Variants in KCNIP4 observed in about 807,000 individuals in gnomAD.
KCNIP4 encodes potassium voltage-gated channel interacting protein 4.
KCNIP4 carries 12 observed loss-of-function variants against 34.0 expected under a neutral mutation model. That is an observed-to-expected ratio of 0.35 (90% CI 0.23 to 0.57). The LOEUF (loss-of-function observed/expected upper bound fraction) is 0.57. Among genes scored for constraint, KCNIP4 ranks in the 20% least tolerant of loss-of-function variants. The pLI, the probability that KCNIP4 is intolerant of heterozygous loss-of-function variation, is 0.83. For synonymous variants in KCNIP4, 124 were observed against 102.2 expected, an observed-to-expected ratio of 1.21 and a Z score of -1.29; for missense variants, 238 against 311.7, an observed-to-expected ratio of 0.76 and a Z score of 1.78.
At chr4:21,232,706 C>T (rs1349964488) in intron 1 of KCNIP4, among the ~76,000 whole-genome samples, 1 of 151,934 alleles carries the variant, frequency 6.6e-6, no homozygotes, top group African/African-American at 2.4e-5. Context: ...GAGCACAGAC[C>T]CTGTGCAAAG....
chr4:21,270,820 C>G (rs28688766), intron 1 of KCNIP4, among the ~76,000 whole-genome samples: 1 of 151,730 alleles, frequency 6.6e-6, no homozygotes, highest in Admixed American at 6.6e-5. Flanking sequence ...AAACCCGTCT[C>G]TACTAAAAAT....
chr4:20,842,565 GTC>G (rs1405766338), intron 3 of KCNIP4, among the ~76,000 whole-genome samples: 1 of 108,760 alleles, frequency 9.2e-6, no homozygotes, highest in Non-Finnish European at 1.7e-5. Context: ...AGGCAATTGA[GTC>G]TCTCTTCTAA....
chr4:21,845,703 T>C (rs1318708038), intron 1 of KCNIP4: 1 of 152,074 alleles, frequency 6.6e-6, no homozygotes, highest in Non-Finnish European at 1.5e-5. Flanking sequence ...ATTCGACATG[T>C]AGCTTGGCAC....
intron 3 of KCNIP4, among the ~76,000 whole-genome samples, chr4:20,806,368 T>C (rs762184525): frequency 2.0e-5 from 3 of 152,052 alleles, no homozygotes; most frequent in Non-Finnish European, 2.9e-5. Flanking sequence ...ACTATGTTCT[T>C]GCTTTACAGA....
chr4:21,138,431 GT>G (rs1351538894), intron 1 of KCNIP4, among the ~76,000 whole-genome samples: 1 of 152,128 alleles, frequency 6.6e-6, no homozygotes, highest in African/African-American at 2.4e-5. Context: ...CATCATTCTT[GT>G]TCCTTCTACA....
chr4:21,100,708 G>C (rs922364467), intron 1 of KCNIP4, among the ~76,000 whole-genome samples: 10 of 151,974 alleles, frequency 6.6e-5, no homozygotes, highest in African/African-American at 2.4e-4. Flanking sequence ...CATTTTTTTG[G>C]CAATCAAGTA....
intron 3 of KCNIP4, among the ~76,000 whole-genome samples, chr4:20,812,569 C>T (rs924528641): frequency 2.0e-5 from 3 of 152,104 alleles, no homozygotes; most frequent in Non-Finnish European, 2.9e-5. Flanking sequence ...GGCCCCTTTC[C>T]GAATCCCGGA....
chr4:21,377,158 A>G (rs986876242), intron 1 of KCNIP4, among the ~76,000 whole-genome samples: 1 of 152,192 alleles, frequency 6.6e-6, no homozygotes, highest in Non-Finnish European at 1.5e-5. Flanking sequence ...TCCATTACTA[A>G]ATAAATTGCA....
intron 1 of KCNIP4, among the ~76,000 whole-genome samples, chr4:21,174,314 G>C (rs114530939): frequency 6.6e-6 from 1 of 152,188 alleles, no homozygotes; most frequent in African/African-American, 2.4e-5. Context: ...ACAAGGGTTT[G>C]GTTGTTAGAC....
rs568696993 is a variant in KCNIP4, at chr4:21,838,450, G to A, written c.61+110121C>T. The stretch of plus-strand genomic sequence containing the variant: ...CCCACTGGAACAATAATGAGAGTTC[G>A]TGGTCTCATGGAGAACCTTTCCACC... On this transcript the variant is annotated intron_variant, in intron 1 of 8. Transcript: ENST00000382152. Among the ~76,000 whole-genome samples the A allele has an allele frequency of 4.6e-5, 7 of 152,290 alleles. No homozygotes were observed. The East Asian group carries it at 1.2e-3, about 25-fold the overall frequency.
At chr4:21,242,515 G>A (rs1301305628) in intron 1 of KCNIP4, among the ~76,000 whole-genome samples, 1 of 152,164 alleles carries the variant, frequency 6.6e-6, no homozygotes. Flanking sequence ...GTGTCTCCAT[G>A]TGAGATTAGC....
intron 1 of KCNIP4, among the ~76,000 whole-genome samples, chr4:21,826,837 G>A (rs928442971): frequency 2.0e-5 from 3 of 152,032 alleles, no homozygotes; most frequent in Admixed American, 1.3e-4. Flanking sequence ...AAAAGATCAT[G>A]TTTTAGCTGA....
intron 1 of KCNIP4, among the ~76,000 whole-genome samples, chr4:21,453,994 A>G (rs1728723508): frequency 6.6e-6 from 1 of 152,056 alleles, no homozygotes; most frequent in Admixed American, 6.6e-5. Flanking sequence ...GAGTCAAGTC[A>G]TGTGAAAGCA....
intron 1 of KCNIP4, among the ~76,000 whole-genome samples, chr4:20,953,965 G>A (rs1182764994): frequency 1.3e-5 from 2 of 152,102 alleles, no homozygotes; most frequent in African/African-American, 4.8e-5. Context: ...ACTTCCCTGT[G>A]TTTTTCTCAA....
chr4:21,064,180 C>G (rs1458346296), intron 1 of KCNIP4, among the ~76,000 whole-genome samples: 1 of 152,082 alleles, frequency 6.6e-6, no homozygotes, highest in African/African-American at 2.4e-5. Flanking sequence ...CTGCTTTACA[C>G]TTTAAATACA....
chr4:21,137,718 C>T (rs2322870), intron 1 of KCNIP4, among the ~76,000 whole-genome samples: 97,947 of 151,796 alleles, frequency 0.65, 32,189 homozygotes, highest in African/African-American at 0.77. Flanking sequence ...GATGAGATTA[C>T]TAGCATTTTA....
chr4:21,261,725 C>T (rs766360465), intron 1 of KCNIP4, among the ~76,000 whole-genome samples: 7 of 152,124 alleles, frequency 4.6e-5, no homozygotes, highest in Non-Finnish European at 1.0e-4. Context: ...ATTGGCTCTA[C>T]GTCTACAATA....
chr4:21,119,398 C>T (rs1399546244), intron 1 of KCNIP4, among the ~76,000 whole-genome samples: 6 of 148,252 alleles, frequency 4.0e-5, no homozygotes, highest in Admixed American at 2.7e-4. Context: ...ATGCTGTATT[C>T]ACTCAAATCT....
chr4:21,601,714 T>A (rs1033669957), intron 1 of KCNIP4, among the ~76,000 whole-genome samples: 1 of 151,972 alleles, frequency 6.6e-6, no homozygotes, highest in African/African-American at 2.4e-5. Flanking sequence ...CTCCCACTCT[T>A]TCAAATCACT....
Sources: gnomAD v4.1 joint callset for allele counts (sites outside exome capture counted in the v4.1 genomes callset) on GRCh38, gnomAD v4.1.1 for gene constraint, MANE v1.5 for transcripts, NCBI Gene and HGNC (gene_info 2026-07-23, HGNC 2026-07-21) for gene names.